NSG2: variants seen among roughly 807,000 people sequenced by gnomAD.
NSG2 encodes the protein neuronal vesicle trafficking associated 2.
NSG2 carries 4 observed loss-of-function variants against 16.9 expected under a neutral mutation model. The observed-to-expected ratio is 0.24, with a 90% CI of 0.12 to 0.54. NSG2 has a LOEUF of 0.54. NSG2 is among the 20% of genes least tolerant of loss of function. The probability of loss-of-function intolerance (pLI) is 0.95; values close to 1 mark genes in which losing one functional copy is unlikely to be tolerated. For missense variants in NSG2, 179 were observed against 221.1 expected (o/e 0.81, Z 1.21); for synonymous variants, 98 against 88.7 (o/e 1.11, Z -0.59).
At position 174,054,530 on chromosome 5, in the gene NSG2, A is replaced by G. The variant is rs369193799; in HGVS notation, c.129+7646A>G. Among the ~76,000 whole-genome samples the G allele has an allele frequency of 8.5e-5, 13 of 152,252 alleles. No homozygotes were observed. The East Asian group carries it at 1.4e-3, about 16-fold the overall frequency. ...CCTAAGTAACTGGGACTACAGGCAC[A>G]TGCTACCACACCCAGGCTGATTTTT... On this transcript the variant is annotated intron_variant, in intron 2 of 4. Coordinates refer to ENST00000303177, the MANE Select transcript of NSG2 (RefSeq NM_015980.5).
intron 3 of NSG2, among the ~76,000 whole-genome samples, chr5:174,080,736 A>G (rs768311272): frequency 3.3e-5 from 5 of 151,706 alleles, no homozygotes; most frequent in Non-Finnish European, 7.4e-5. Context: ...TAATTTTTGT[A>G]TTTTTTAGTA....
Position 174,109,040 on chromosome 5 carries a change from A to G in NSG2, c.*1535A>G, listed in dbSNP as rs1192432210. The stretch of plus-strand genomic sequence containing the variant: ...ATTTGTCATTCAAAGCGGAATAACA[A>G]GTTGTCCCTAGCAAAACCGCTGAGC... On this transcript the variant is annotated 3_prime_UTR_variant, in exon 5 of 5. Transcript: ENST00000303177. The G allele has an allele frequency of 6.5e-6, 1 of 152,778 alleles. No homozygotes were observed. The highest frequency in any genetic ancestry group is 6.5e-5 in the Admixed American group (1 of 15,292). 9.5% of individuals were successfully genotyped at this position (152,778 alleles called of 1,614,324 possible).
chr5:174,101,117 T>C (rs912828281), intron 3 of NSG2, among the ~76,000 whole-genome samples: 1 of 152,172 alleles, frequency 6.6e-6, no homozygotes, highest in African/African-American at 2.4e-5. Context: ...CCTGCGACTA[T>C]AGGCAACTCT....
At chr5:174,096,853 G>A (rs938294464) in intron 3 of NSG2, among the ~76,000 whole-genome samples, 7 of 152,144 alleles carry the variant, frequency 4.6e-5, no homozygotes, top group East Asian at 1.9e-4. Context: ...GGTGGGCAGC[G>A]CTGCCTCCTG....
chr5:174,070,964 C>G (rs1268994545), intron 3 of NSG2, among the ~76,000 whole-genome samples: 2 of 152,340 alleles, frequency 1.3e-5, no homozygotes, highest in East Asian at 3.9e-4. Flanking sequence ...TCCCTGACCC[C>G]ACACCCTGAT....
intron 3 of NSG2, among the ~76,000 whole-genome samples, chr5:174,090,857 A>G (rs775166445): frequency 6.6e-6 from 1 of 152,226 alleles, no homozygotes; most frequent in African/African-American, 2.4e-5. Flanking sequence ...CTGTGGTATT[A>G]GCAGAATTAT....
At chr5:174,070,404 AG>A (rs1258586901) in intron 3 of NSG2, among the ~76,000 whole-genome samples, 4 of 152,200 alleles carry the variant, frequency 2.6e-5, no homozygotes, top group African/African-American at 9.7e-5. Context: ...GAACAAAGCA[AG>A]AACCCAGCTT....
intron 1 of NSG2, 176 bp from the exon 2 acceptor site, chr5:174,046,558 A>G (rs1414408884): frequency 1.4e-5 from 8 of 577,906 alleles, no homozygotes; most frequent in Non-Finnish European, 2.4e-5. Flanking sequence ...ATGATTAAAG[A>G]AGTTTTGTTG....
rs1434047790 is a variant in NSG2, at chr5:174,072,725, T to C, written c.213+8410T>C. 1.3e-5 allele frequency among the ~76,000 whole-genome samples: 2 copies of C among 152,256 alleles called. No homozygotes were observed. Among genetic ancestry groups the C allele is most frequent in the Non-Finnish European group, 2.9e-5 (2 of 68,044 alleles). On this transcript the variant is annotated intron_variant, in intron 3 of 4. Transcript: ENST00000303177. The surrounding 1 kb of genome is among the most constrained non-coding windows in gnomAD (Gnocchi z 4.0). ...AAGGCTGGGTGTGGTGGCTCACACC[T>C]GTAATCCTAGCACTTTGGAAGGCCA...
chr5:174,067,769 GTAA>G (rs1258211863), intron 3 of NSG2, among the ~76,000 whole-genome samples: 1 of 152,228 alleles, frequency 6.6e-6, no homozygotes, highest in African/African-American at 2.4e-5. Flanking sequence ...TCTGAGCTGA[GTAA>G]GCTGGCTGGG....
At chr5:174,062,683 G>A (rs1760072445) in intron 2 of NSG2, 1 of 152,162 alleles carries the variant, frequency 6.6e-6, no homozygotes, top group Admixed American at 6.5e-5. Context: ...TGGGGTCCAG[G>A]GCCTCCTTAA....
In NSG2 at chr5:174,092,574, G is replaced by A. The variant is rs918762677; in HGVS notation, c.214-11654G>A. On this transcript the variant is annotated intron_variant, in intron 3 of 4. Coordinates refer to ENST00000303177, the MANE Select transcript of NSG2 (RefSeq NM_015980.5). ...ATACCCAGTGGCTTCGTGCTGAGGCGATAGTCGAACCAAATTCATAAATCC... is the reference window on the plus strand; with the variant it reads ...ATACCCAGTGGCTTCGTGCTGAGGCAATAGTCGAACCAAATTCATAAATCC... Among the ~76,000 whole-genome samples, 4 of 152,186 alleles carry A rather than the reference G, an allele frequency of 2.6e-5. 1 individual carries two copies. The highest frequency in any genetic ancestry group is 2.6e-4 in the Admixed American group (4 of 15,280).
At chr5:174,066,104 G>A (rs1760135078) in intron 3 of NSG2, 2 of 438,044 alleles carry the variant, frequency 4.6e-6, no homozygotes, top group Non-Finnish European at 9.3e-6. Flanking sequence ...GGGGAGGAGT[G>A]TGGTCCCTCT....
intron 2 of NSG2, among the ~76,000 whole-genome samples, chr5:174,048,128 G>T (rs1227459707): frequency 6.6e-6 from 1 of 152,196 alleles, no homozygotes; most frequent in Non-Finnish European, 1.5e-5. Context: ...CTAAGGAACT[G>T]GTAAAGCCTT....
At chr5:174,057,495 C>CT (rs749922109) in intron 2 of NSG2, among the ~76,000 whole-genome samples, 1 of 151,920 alleles carries the variant, frequency 6.6e-6, no homozygotes, top group Non-Finnish European at 1.5e-5. Flanking sequence ...AAACACTAAG[C>CT]TTTATGAAAG....
intron 3 of NSG2, among the ~76,000 whole-genome samples, chr5:174,068,567 GATCCT>G (rs1484099269): frequency 6.6e-6 from 1 of 151,524 alleles, no homozygotes; most frequent in Admixed American, 6.6e-5. Context: ...GTTTCCTGGT[GATCCT>G]GGTGCTGTGG....
intron 3 of NSG2, among the ~76,000 whole-genome samples, chr5:174,082,919 A>G (rs1760510907): frequency 1.3e-5 from 2 of 152,210 alleles, no homozygotes; most frequent in Non-Finnish European, 2.9e-5. Flanking sequence ...AACCATGTCC[A>G]TGAATGCCGG....
At chr5:174,088,805 A>C (rs1158757756) in intron 3 of NSG2, among the ~76,000 whole-genome samples, 1 of 152,208 alleles carries the variant, frequency 6.6e-6, no homozygotes, top group African/African-American at 2.4e-5. Context: ...ATGTAATAAG[A>C]GACCCAGAAA....
At chr5:174,060,399 T>G (rs1760031721) in intron 2 of NSG2, among the ~76,000 whole-genome samples, 1 of 152,022 alleles carries the variant, frequency 6.6e-6, no homozygotes, top group Non-Finnish European at 1.5e-5. Context: ...TTTACTAGTC[T>G]CTGAGTTTGC....
Sources: gnomAD v4.1 joint callset for allele counts (sites outside exome capture counted in the v4.1 genomes callset) on GRCh38, gnomAD v4.1.1 for gene constraint, Gnocchi (gnomAD v3.1) non-coding constraint, MANE v1.5 for transcripts, NCBI Gene and HGNC (gene_info 2026-07-23, HGNC 2026-07-21) for gene names.